Variants in ZNF236 observed in about 807,000 individuals in gnomAD.
ZNF236 encodes zinc finger protein 236.
In ZNF236, 50 loss-of-function variants were observed where a neutral mutation model predicts 191.2. That is an observed-to-expected ratio of 0.26 (90% CI 0.21 to 0.33). ZNF236 has a LOEUF of 0.33. Among genes scored for constraint, ZNF236 ranks in the 10% least tolerant of loss-of-function variants. The probability of loss-of-function intolerance (pLI) is 1.00; values close to 1 mark genes in which losing one functional copy is unlikely to be tolerated. For synonymous variants in ZNF236, 907 were observed against 928.8 expected, an observed-to-expected ratio of 0.98 and a Z score of 0.43; for missense variants, 1,754 against 2,374.5, an observed-to-expected ratio of 0.74 and a Z score of 5.43.
rs1976501386 is a variant in ZNF236, at chr18:76,868,847, A to T, written c.526A>T (p.Thr176Ser). The T allele has an allele frequency of 6.2e-7, 1 of 1,606,398 alleles. No homozygotes were observed. Among genetic ancestry groups the T allele is most frequent in the South Asian group, 1.1e-5 (1 of 89,974 alleles). ...CTCGGAGCTGAAGGAACACATGAAG[A>T]CTCATTACAAAATTAGGTATGAGTC... is the stretch of plus-strand genomic sequence containing the variant. ...TSSELKEHMKTHYKIRVSSTR... is the reference protein window; with the variant it reads ...TSSELKEHMKSHYKIRVSSTR... Residue 176 changes from threonine to serine, a missense_variant, in exon 4 of 31, where the codon ACT (threonine) becomes TCT (serine). This residue lies in a region of ZNF236 where 336 missense variants were observed against 495.1 expected (regional missense o/e 0.68). Transcript: ENST00000320610.
chr18:76,897,596 A>G (rs1323420779), intron 10 of ZNF236, among the ~76,000 whole-genome samples: 3 of 151,970 alleles, frequency 2.0e-5, no homozygotes, highest in African/African-American at 4.8e-5. Context: ...ACAGTACCAA[A>G]CAGTACTGCA....
chr18:76,901,087 G>A (rs753180879), intron 11 of ZNF236, among the ~76,000 whole-genome samples: 206 of 152,322 alleles, frequency 1.4e-3, no homozygotes, highest in Non-Finnish European at 1.8e-3. Context: ...CTCCTGCTGC[G>A]TGGCCCGGTT....
At chr18:76,864,095 T>C (rs201441673) in intron 3 of ZNF236, among the ~76,000 whole-genome samples, 2 of 152,276 alleles carry the variant, frequency 1.3e-5, no homozygotes, top group East Asian at 3.9e-4. Flanking sequence ...TGGTTGTCAC[T>C]TACATTATCA....
chr18:76,924,291 G>A (rs1051219590), intron 21 of ZNF236, among the ~76,000 whole-genome samples: 1 of 152,238 alleles, frequency 6.6e-6, no homozygotes, highest in Non-Finnish European at 1.5e-5. Context: ...TGACGTCCAC[G>A]ATGACTTGGT....
Position 76,830,046 on chromosome 18 carries a change from G to A in ZNF236, c.55+7384G>A, listed in dbSNP as rs184972863. 2.2e-4 allele frequency among the ~76,000 whole-genome samples: 33 copies of A among 152,038 alleles called. No homozygotes were observed. In the East Asian group the frequency reaches 4.1e-3, roughly 19 times the overall value. On this transcript the variant is annotated intron_variant, in intron 1 of 30. Coordinates refer to ENST00000320610, the MANE Select transcript of ZNF236 (RefSeq NM_001306089.2). ...CCACCACGCCTGGCTAATTTTTTGT[G>A]TGTTAGTAGAGATGGGGGTTCACCA...
At chr18:76,895,388 G>A (rs1353707595) in intron 10 of ZNF236, 103 bp downstream of exon 10, 14 of 1,458,334 alleles carry the variant, frequency 9.6e-6, no homozygotes, top group African/African-American at 1.4e-5. Context: ...TAGGCACACA[G>A]GTACTGCACA....
chr18:76,877,822 A>G (rs967648337), intron 6 of ZNF236, among the ~76,000 whole-genome samples, 187 bp from the exon 7 acceptor site: 1 of 152,218 alleles, frequency 6.6e-6, no homozygotes, highest in Non-Finnish European at 1.5e-5. Context: ...TATACCGGCA[A>G]TATTGTTTAA....
At chr18:76,946,773 G>T (rs1968272423) in intron 26 of ZNF236, among the ~76,000 whole-genome samples, 1 of 152,136 alleles carries the variant, frequency 6.6e-6, no homozygotes, top group Non-Finnish European at 1.5e-5. Flanking sequence ...GTGCTGGGCT[G>T]GTAAGAAGAC....
chr18:76,949,353 A>T (rs142465321), intron 27 of ZNF236, among the ~76,000 whole-genome samples: 134 of 152,352 alleles, frequency 8.8e-4, no homozygotes, highest in African/African-American at 3.1e-3. Flanking sequence ...CACTGAAGTG[A>T]TATATTCCGT....
chr18:76,852,975 G>A (rs1408636904), intron 3 of ZNF236, among the ~76,000 whole-genome samples: 1 of 152,162 alleles, frequency 6.6e-6, no homozygotes, highest in Non-Finnish European at 1.5e-5. Context: ...TTTGGCTTGT[G>A]ATATTTCCAA....
At chr18:76,827,422 G>A (rs1350961673) in intron 1 of ZNF236, among the ~76,000 whole-genome samples, 2 of 151,960 alleles carry the variant, frequency 1.3e-5, no homozygotes, top group African/African-American at 2.4e-5. Flanking sequence ...TCCTGACCTC[G>A]TGATCCCCCC....
rs1431953471 is a variant in ZNF236, at chr18:76,943,158, G to A, written c.4783-4363G>A. Among the ~76,000 whole-genome samples the A allele has an allele frequency of 2.0e-5, 3 of 149,628 alleles. No individual in the cohort carries two copies. The South Asian group carries it at 6.4e-4, about 32-fold the overall frequency. The stretch of plus-strand genomic sequence containing the variant: ...AAAAAAAAAAGAAGAGCAAATTTGA[G>A]TTCATAATAGCAAAAAATTTGGAAT... On this transcript the variant is annotated intron_variant, in intron 26 of 30. Transcript: ENST00000320610.
rs150412240 is a variant in ZNF236 at position 76,915,947 on chromosome 18, G to A, written c.3274+88G>A. On this transcript the variant is annotated intron_variant, in intron 19 of 30. Coordinates refer to ENST00000320610, the MANE Select transcript of ZNF236 (RefSeq NM_001306089.2). Reference sequence around the variant, plus strand: ...CACAAATCACCGTGAGTATTTTGACGTGGCTATATATAGATTAGTTCAGTA... The same window carrying A: ...CACAAATCACCGTGAGTATTTTGACATGGCTATATATAGATTAGTTCAGTA... The A allele has an allele frequency of 2.6e-5, 33 of 1,283,878 alleles. No homozygotes were observed. The East Asian group carries it at 3.1e-4, about 12-fold the overall frequency. 79.5% of individuals were successfully genotyped at this position (1,283,878 alleles called of 1,614,324 possible).
At chr18:76,916,455 G>A (rs901008825) in intron 19 of ZNF236, among the ~76,000 whole-genome samples, 12 of 152,132 alleles carry the variant, frequency 7.9e-5, no homozygotes, top group African/African-American at 2.4e-4. Context: ...ACAAAACACC[G>A]CATAGTTGGA....
chr18:76,848,395 A>G (rs1293786743), intron 1 of ZNF236, among the ~76,000 whole-genome samples: 5 of 152,324 alleles, frequency 3.3e-5, no homozygotes, highest in Non-Finnish European at 1.5e-5. Context: ...TATATTACGT[A>G]TTTATGTCCA....
Position 76,972,201 on chromosome 18 carries a change from A to G in ZNF236, c.*3862A>G, listed in dbSNP as rs943363231. On this transcript the variant is annotated 3_prime_UTR_variant, in exon 31 of 31. Coordinates refer to ENST00000320610, the MANE Select transcript of ZNF236 (RefSeq NM_001306089.2). Reference sequence around the variant, plus strand: ...TCTACACCTTTCCCATATTCTAATGAAAAGATCGTACGCCAAAGGCCACTG... The same window carrying G: ...TCTACACCTTTCCCATATTCTAATGGAAAGATCGTACGCCAAAGGCCACTG... Among the ~76,000 whole-genome samples, 2 of 152,248 alleles carry G rather than the reference A, an allele frequency of 1.3e-5. No individual in the cohort carries two copies. Among genetic ancestry groups the G allele is most frequent in the African/African-American group, 4.8e-5 (2 of 41,468 alleles).
chr18:76,905,437 A>G (rs1448130496), intron 13 of ZNF236, 22 bp downstream of exon 13: 9 of 1,606,220 alleles, frequency 5.6e-6, no homozygotes, highest in Non-Finnish European at 7.7e-6. Context: ...TCTGGTGGTC[A>G]CTTTTTATCA....
intron 26 of ZNF236, among the ~76,000 whole-genome samples, chr18:76,943,607 G>T (rs748786223): frequency 2.6e-5 from 4 of 152,150 alleles, no homozygotes; most frequent in African/African-American, 4.8e-5. Context: ...TTGTATTTAG[G>T]TATATAAATG....
chr18:76,922,999 A>C, intron 20 of ZNF236, 72 bp from the exon 21 acceptor site: 1 of 1,190,840 alleles, frequency 8.4e-7, no homozygotes, highest in South Asian at 1.3e-5. Flanking sequence ...CCTAATTTTA[A>C]TTTATATAGT....
Sources: allele counts gnomAD v4.1 joint callset (sites outside exome capture counted in the v4.1 genomes callset), GRCh38; gene constraint gnomAD v4.1.1; regional missense constraint gnomAD v4.1.1; transcripts MANE v1.5; gene names NCBI Gene and HGNC (gene_info 2026-07-23, HGNC 2026-07-21).